Variants in ATXN2L observed in about 807,000 individuals in gnomAD.
The protein encoded by ATXN2L is ataxin-2-like protein.
ATXN2L carries 24 observed loss-of-function variants against 120.7 expected under a neutral mutation model. The ratio of observed to expected loss-of-function variants is 0.20; its 90% CI spans 0.14 to 0.28. The LOEUF (loss-of-function observed/expected upper bound fraction) is 0.28. ATXN2L is among the 10% of genes least tolerant of loss of function. ATXN2L has a pLI of 1.00. For synonymous variants in ATXN2L, 653 were observed against 568.1 expected (o/e 1.15, Z -2.13); for missense variants, 1,312 against 1,432.3 (o/e 0.92, Z 1.36).
intron 4 of ATXN2L, 171 bp from the exon 5 acceptor site, chr16:28,826,069 T>C: frequency 1.2e-6 from 1 of 860,738 alleles, no homozygotes; most frequent in Non-Finnish European, 1.8e-6. Context: ...GTCCTGTGGC[T>C]GATGTTGAGA....
Position 28,829,428 on chromosome 16 carries a change from T to C in ATXN2L, c.769T>C (p.Phe257Leu). ...MSNGWDPNEM[F>L]KFNEENYGVK... ...CAATGGATGGGACCCCAATGAAATG[T>C]TCAAGTTCAATGAGGAGAACTACGG... The change falls in exon 7 of 22, where the codon TTC becomes CTC. Residue 257 changes from phenylalanine to leucine, a missense_variant. Coordinates refer to ENST00000336783, the MANE Select transcript of ATXN2L (RefSeq NM_007245.4). The C allele has an allele frequency of 1.2e-6, 2 of 1,613,492 alleles. No individual in the cohort carries two copies. Among genetic ancestry groups the C allele is most frequent in the Non-Finnish European group, 1.7e-6 (2 of 1,179,398 alleles).
intron 6 of ATXN2L, among the ~76,000 whole-genome samples, chr16:28,827,651 C>T (rs1302806298): frequency 2.0e-5 from 3 of 152,002 alleles, no homozygotes; most frequent in Non-Finnish European, 4.4e-5. Context: ...GCAGGAGCTC[C>T]GATCACTTGA....
intron 10 of ATXN2L, 158 bp from the exon 11 acceptor site, chr16:28,832,047 A>G (rs2054676205): frequency 4.2e-6 from 3 of 716,180 alleles, no homozygotes; most frequent in Non-Finnish European, 4.6e-6. Flanking sequence ...CCATGAGGCC[A>G]TTTACCTGCT....
At chr16:28,835,208 C>T (rs1033072189) in intron 19 of ATXN2L, 21 bp downstream of exon 19, 9 of 1,608,814 alleles carry the variant, frequency 5.6e-6, no homozygotes, top group Middle Eastern at 1.7e-4. Context: ...CGCCTGGTCC[C>T]TCTGCTCTGG....
Position 28,833,141 on chromosome 16 carries a change from A to G in ATXN2L, c.1742A>G (p.Lys581Arg). ...AAGGAGGAGCCCAAAGGAAAGGAGA[A>G]AGAGGTTGATGGTCTGTTGACTTCA... The part of the protein sequence containing the change: ...ILKEEPKGKE[K>R]EVDGLLTSEP... The change falls in exon 14 of 22, where the codon AAA (lysine) becomes AGA (arginine). Residue 581 changes from lysine to arginine, a missense_variant. By Grantham distance (26) the Lys-to-Arg change is conservative. Coordinates refer to ENST00000336783, the MANE Select transcript of ATXN2L (RefSeq NM_007245.4). The G allele has an allele frequency of 6.2e-7, 1 of 1,614,162 alleles. No homozygotes were observed. Among genetic ancestry groups the G allele is most frequent in the Non-Finnish European group, 8.5e-7 (1 of 1,180,008 alleles).
At position 28,832,006 on chromosome 16, in the gene ATXN2L, C is replaced by G. The variant is rs112629736; in HGVS notation, c.1322-199C>G. Among the ~76,000 whole-genome samples, 1,147 of 152,354 alleles carry G rather than the reference C, an allele frequency of 7.5e-3. 8 individuals are homozygous for G. Among genetic ancestry groups the G allele is most frequent in the Non-Finnish European group, 0.012 (824 of 68,032 alleles). ...GTTGACTGGAACAGAATCCCTGCCA[C>G]TCCTTTAAGCATTCCAGTTGTCGAT... On this transcript the variant is annotated intron_variant, in intron 10 of 21. Coordinates refer to ENST00000336783, the MANE Select transcript of ATXN2L (RefSeq NM_007245.4).
chr16:28,826,036 A>C, intron 4 of ATXN2L, 195 bp downstream of exon 4: 1 of 844,470 alleles, frequency 1.2e-6, no homozygotes, highest in South Asian at 1.8e-5. Context: ...TTTAAGTTTA[A>C]ATTTTTGTGA....
At position 28,823,742 on chromosome 16, in the gene ATXN2L, C is replaced by G. The variant is rs368782164; in HGVS notation, c.299+184C>G. The stretch of plus-strand genomic sequence containing the variant: ...GACGGAAAGGGTCCCCGGGCGGCCA[C>G]CGGAGCACTGAGGGGCCGCGCTCGG... On this transcript the variant is annotated intron_variant, in intron 1 of 21. Coordinates refer to ENST00000336783, the MANE Select transcript of ATXN2L (RefSeq NM_007245.4). 2.6e-5 allele frequency: 15 copies of G among 581,094 alleles called. No homozygotes were observed. The South Asian group carries it at 1.1e-3, about 42-fold the overall frequency. The allele number at this position is 581,094 out of a possible 1,614,324, so 36.0% of individuals were successfully genotyped here. A position where few individuals can be genotyped will look rare whatever the true frequency, so the allele number is the denominator to read the frequency against.
At position 28,833,374 on chromosome 16, in the gene ATXN2L, G is replaced by C. The variant is rs761758088; in HGVS notation, c.1955+20G>C. The C allele has an allele frequency of 6.2e-7, 1 of 1,613,778 alleles. No individual in the cohort carries two copies. The highest frequency in any genetic ancestry group is 1.7e-5 in the Admixed American group (1 of 60,004). On this transcript the variant is annotated intron_variant, in intron 14 of 21. Transcript: ENST00000336783. ...TGCTGAGTGAGTGGAGCGGGGTGGG[G>C]CTCTGGGAGGATGGCAGGAGGGATG...
intron 6 of ATXN2L, among the ~76,000 whole-genome samples, chr16:28,829,192 G>T (rs994012803): frequency 6.6e-6 from 1 of 152,058 alleles, no homozygotes; most frequent in African/African-American, 2.4e-5. Context: ...TTCTAGAGAT[G>T]AGCTCTTGCT....
In ATXN2L at chr16:28,835,129, G is replaced by A; in HGVS notation, c.2505G>A (p.Val835=). ...CGGGCAGCCATCCCCAGGCCATCGT[G>A]TCATCCTCTACCCCTCAGTACCCTT... ...LTSGSHPQAI[V]SSSTPQYPSA... Residue 835 remains valine, a synonymous_variant, in exon 19 of 22, where the codon GTG becomes GTA. Coordinates refer to ENST00000336783, the MANE Select transcript of ATXN2L (RefSeq NM_007245.4). The A allele has an allele frequency of 1.2e-6, 2 of 1,613,952 alleles. No individual in the cohort carries two copies. Among genetic ancestry groups the A allele is most frequent in the Non-Finnish European group, 1.7e-6 (2 of 1,179,934 alleles).
At position 28,826,372 on chromosome 16, in the gene ATXN2L, T is replaced by C; in HGVS notation, c.598T>C (p.Phe200Leu). Residue 200 changes from phenylalanine to leucine, a missense_variant, in exon 5 of 22, where the codon TTC becomes CTC. Phe to Leu is a conservative substitution (Grantham distance 22). Transcript: ENST00000336783. Reference sequence around the variant, plus strand: ...GCTTGTTCACTTCCGAAATGTTGACTTCAACTATGCTACTAAAGGTATTGT... The same window carrying C: ...GCTTGTTCACTTCCGAAATGTTGACCTCAACTATGCTACTAAAGGTATTGT... ...VMLVHFRNVD[F>L]NYATKDKFTD... 6.2e-7 allele frequency: 1 copy of C among 1,614,212 alleles called. No homozygotes were observed. Among genetic ancestry groups the C allele is most frequent in the South Asian group, 1.1e-5 (1 of 91,092 alleles).
chr16:28,830,097 G>A, intron 8 of ATXN2L, 39 bp downstream of exon 8: 1 of 1,573,698 alleles, frequency 6.4e-7, no homozygotes, highest in South Asian at 1.1e-5. Flanking sequence ...TGGGGCTTCT[G>A]GGAATATCCT....
Position 28,837,018 on chromosome 16 carries a change from C to T in ATXN2L, c.*753C>T, listed in dbSNP as rs1450797965. 2 of 670,970 alleles carry T rather than the reference C, an allele frequency of 3.0e-6. No homozygotes were observed. Among genetic ancestry groups the T allele is most frequent in the Middle Eastern group, 2.5e-4 (1 of 3,966 alleles). 41.6% of individuals were successfully genotyped at this position (670,970 alleles called of 1,614,324 possible). A position where few individuals can be genotyped will look rare whatever the true frequency, so the allele number is the denominator to read the frequency against. ...TCCCCACCCAGTCTTGCCCTCCCATCCTCTCATCTATTCCCCCGCTGGAGA... is the reference window on the plus strand; with the variant it reads ...TCCCCACCCAGTCTTGCCCTCCCATTCTCTCATCTATTCCCCCGCTGGAGA... On this transcript the variant is annotated 3_prime_UTR_variant, in exon 22 of 22. Coordinates refer to ENST00000336783, the MANE Select transcript of ATXN2L (RefSeq NM_007245.4).
chr16:28,831,717 C>G (rs546412864), intron 10 of ATXN2L, among the ~76,000 whole-genome samples: 3 of 151,960 alleles, frequency 2.0e-5, no homozygotes, highest in African/African-American at 4.8e-5. Flanking sequence ...CAAAACCCTT[C>G]TGCAAAAAAT....
intron 12 of ATXN2L, 27 bp downstream of exon 12, chr16:28,832,594 G>A (rs753059562): frequency 1.9e-5 from 30 of 1,606,532 alleles, no homozygotes; most frequent in Non-Finnish European, 2.6e-5. Context: ...TTCTGCTGAG[G>A]ATTAATGCTC....
In ATXN2L at chr16:28,833,528, T is replaced by G. The variant is rs1415846743; in HGVS notation, c.2025+20T>G. 6.2e-7 allele frequency: 1 copy of G among 1,613,650 alleles called. No homozygotes were observed. Among genetic ancestry groups the G allele is most frequent in the Non-Finnish European group, 8.5e-7 (1 of 1,179,624 alleles). On this transcript the variant is annotated intron_variant, in intron 15 of 21. Transcript: ENST00000336783. The stretch of plus-strand genomic sequence containing the variant: ...TCTGTGGTGAGCTGGGACAGGAGAA[T>G]GTGGACTTTGGTTTCTGTGGGGAGA...
Position 28,832,995 on chromosome 16 carries a change from T to C in ATXN2L, c.1660-64T>C, listed in dbSNP as rs577333857. The C allele has an allele frequency of 7.7e-5, 123 of 1,594,298 alleles. 1 individual carries two copies. In the South Asian group the frequency reaches 1.4e-3, roughly 18 times the overall value. On this transcript the variant is annotated intron_variant, in intron 13 of 21. Coordinates refer to ENST00000336783, the MANE Select transcript of ATXN2L (RefSeq NM_007245.4). ...TCAAAGAGATGAGATCAAAAAAGGA[T>C]GAAAGAAGAAAGCCAGGACTAGGGT...
chr16:28,826,744 T>C, intron 5 of ATXN2L, 118 bp from the exon 6 acceptor site: 1 of 1,273,930 alleles, frequency 7.8e-7, no homozygotes, highest in African/African-American at 1.5e-5. Flanking sequence ...CGGGCACACG[T>C]ACTCTGGACT....
Sources: gnomAD v4.1 joint callset for allele counts (sites outside exome capture counted in the v4.1 genomes callset) on GRCh38, gnomAD v4.1.1 for gene constraint, MANE v1.5 for transcripts, NCBI Gene and HGNC (gene_info 2026-07-23, HGNC 2026-07-21) for gene names.